The following SLIT3 variants were observed in gnomAD, a reference collection of about 807,000 sequenced individuals.
SLIT3 encodes the protein slit homolog 3 protein.
Under a neutral mutation model 184.0 loss-of-function variants are expected in SLIT3, and 68 were observed. The observed-to-expected ratio is 0.37, with a 90% CI of 0.30 to 0.45. The LOEUF (loss-of-function observed/expected upper bound fraction) is 0.45, where lower values mean the gene tolerates loss of function less well. SLIT3 is among the 20% of genes least tolerant of loss of function. SLIT3 has a pLI of 1.00. For missense variants in SLIT3, 1,707 were observed against 2,026.0 expected (o/e 0.84, Z 3.02); for synonymous variants, 831 against 828.6 (o/e 1.00, Z -0.05).
chr5:168,832,865 C>CT (rs1444504069), intron 6 of SLIT3, among the ~76,000 whole-genome samples: 2 of 152,162 alleles, frequency 1.3e-5, no homozygotes, highest in Admixed American at 6.5e-5. Context: ...CTGGATCTGG[C>CT]TTGCAGGTGC....
intron 1 of SLIT3, among the ~76,000 whole-genome samples, chr5:169,270,507 G>C (rs945165328): frequency 5.9e-5 from 9 of 152,026 alleles, no homozygotes; most frequent in African/African-American, 2.2e-4. Context: ...AGTTTTCTTG[G>C]AACCAAGCCG....
At chr5:169,219,196 C>T (rs562780787) in intron 3 of SLIT3, among the ~76,000 whole-genome samples, 6 of 152,262 alleles carry the variant, frequency 3.9e-5, no homozygotes, top group Admixed American at 2.0e-4. Context: ...AGAAAAAAGA[C>T]CACAGGAGAC....
rs369153203 is a variant in SLIT3 at position 168,772,872 on chromosome 5, G to A, written c.1368C>T (p.Pro456=). 2.5e-6 allele frequency: 4 copies of A among 1,613,986 alleles called. No individual in the cohort carries two copies. Among genetic ancestry groups the A allele is most frequent in the African/African-American group, 1.3e-5 (1 of 74,946 alleles). ...KWLADYLQDN[P]IETSGARCSS... ...TGCAGCGGGCCCCGCTTGTCTCGAT[G>A]GGGTTGTCCTGGAGGTAGTCGGCCA... The change falls in exon 14 of 36, where the codon CCC becomes CCT. Residue 456 remains proline, a synonymous_variant. Coordinates refer to ENST00000519560, the MANE Select transcript of SLIT3 (RefSeq NM_003062.4).
intron 4 of SLIT3, among the ~76,000 whole-genome samples, chr5:169,006,700 A>G (rs923293341): frequency 6.6e-6 from 1 of 152,190 alleles, no homozygotes; most frequent in Non-Finnish European, 1.5e-5. Flanking sequence ...GAAAATTCAA[A>G]GAAAGAAAAG....
chr5:168,707,806 G>A (rs1352726566), intron 26 of SLIT3, 170 bp downstream of exon 26: 3 of 716,172 alleles, frequency 4.2e-6, no homozygotes, highest in East Asian at 2.7e-5. Flanking sequence ...CTAGTTCAGA[G>A]AACAGTGTTA....
At chr5:168,726,797 A>C (rs76481635) in intron 20 of SLIT3, among the ~76,000 whole-genome samples, 6 of 148,884 alleles carry the variant, frequency 4.0e-5, no homozygotes, top group Admixed American at 4.0e-4. Flanking sequence ...ACATGGTGAA[A>C]CCCCCCTCCT....
intron 4 of SLIT3, among the ~76,000 whole-genome samples, chr5:168,934,627 C>T (rs1304528832): frequency 2.0e-5 from 3 of 152,086 alleles, no homozygotes; most frequent in Admixed American, 6.6e-5. Context: ...CATGCAAGTT[C>T]AATCCCCAAA....
chr5:168,666,422 G>T lies in SLIT3; in HGVS notation c.*32C>A. 6.6e-7 allele frequency: 1 copy of T among 1,519,836 alleles called. No individual in the cohort carries two copies. The highest frequency in any genetic ancestry group is 8.8e-7 in the Non-Finnish European group (1 of 1,133,244). 94.1% of individuals were successfully genotyped at this position (1,519,836 alleles called of 1,614,324 possible). A position where few individuals can be genotyped will look rare whatever the true frequency, so the allele number is the denominator to read the frequency against. On this transcript the variant is annotated 3_prime_UTR_variant, in exon 36 of 36. Coordinates refer to ENST00000519560, the MANE Select transcript of SLIT3 (RefSeq NM_003062.4). ...GCTGTCCCAACTCCATCAAGCTGGA[G>T]TCCGAGAGGTGGCAGGCAGGCGGGC...
intron 8 of SLIT3, among the ~76,000 whole-genome samples, chr5:168,807,639 A>G (rs1407054512): frequency 6.6e-6 from 1 of 152,136 alleles, no homozygotes; most frequent in African/African-American, 2.4e-5. Context: ...ACTGAGACCA[A>G]ACTTAGATGA....
At chr5:169,167,002 T>C (rs1762659743) in intron 4 of SLIT3, among the ~76,000 whole-genome samples, 1 of 151,908 alleles carries the variant, frequency 6.6e-6, no homozygotes, top group Non-Finnish European at 1.5e-5. Context: ...CCCCTCCATG[T>C]CTGAAAAACA....
At chr5:168,990,044 C>T (rs1755268839) in intron 4 of SLIT3, among the ~76,000 whole-genome samples, 1 of 152,202 alleles carries the variant, frequency 6.6e-6, no homozygotes, top group Non-Finnish European at 1.5e-5. Flanking sequence ...ACAGGGCCCT[C>T]TTCTCAGGCC....
intron 12 of SLIT3, among the ~76,000 whole-genome samples, chr5:168,777,648 G>C (rs1755809756): frequency 6.6e-6 from 1 of 152,196 alleles, no homozygotes; most frequent in Non-Finnish European, 1.5e-5. Flanking sequence ...ATGAAGCATG[G>C]AGCAAAAGAA....
intron 4 of SLIT3, among the ~76,000 whole-genome samples, chr5:168,960,949 G>A (rs575796225): frequency 3.7e-4 from 56 of 152,352 alleles, no homozygotes; most frequent in Non-Finnish European, 2.8e-4. Flanking sequence ...AAGAGCCTGT[G>A]TCCTAAGAAC....
intron 1 of SLIT3, among the ~76,000 whole-genome samples, chr5:169,269,411 A>ACC (rs1424570329): frequency 3.9e-4 from 59 of 152,328 alleles, no homozygotes; most frequent in African/African-American, 1.4e-3. Context: ...AGAGGCCTCA[A>ACC]ACTAATGCCC....
intron 1 of SLIT3, among the ~76,000 whole-genome samples, chr5:169,259,729 G>A (rs1766101137): frequency 6.6e-6 from 1 of 152,146 alleles, no homozygotes; most frequent in Admixed American, 6.5e-5. Flanking sequence ...ATGGGTAGGA[G>A]GCTGAACTAC....
At chr5:169,271,454 T>C (rs753587683) in intron 1 of SLIT3, among the ~76,000 whole-genome samples, 21 of 152,298 alleles carry the variant, frequency 1.4e-4, no homozygotes, top group Non-Finnish European at 2.5e-4. Flanking sequence ...CTCTCTTGAA[T>C]GGCTGCAATT....
rs188583041 is a variant in SLIT3, at chr5:168,867,514, C to A, written c.485+15751G>T. On this transcript the variant is annotated intron_variant, in intron 5 of 35. Coordinates refer to ENST00000519560, the MANE Select transcript of SLIT3 (RefSeq NM_003062.4). ...AGTGAAAATGACCAGTGGTGTGTGACTTTGAAGAAGTAGGGCAAAGTCACT... is the reference window on the plus strand; with the variant it reads ...AGTGAAAATGACCAGTGGTGTGTGAATTTGAAGAAGTAGGGCAAAGTCACT... 2.9e-3 allele frequency among the ~76,000 whole-genome samples: 447 copies of A among 152,294 alleles called. 2 individuals are homozygous for A. The highest frequency in any genetic ancestry group is 9.8e-3 in the African/African-American group (409 of 41,550).
intron 4 of SLIT3, among the ~76,000 whole-genome samples, chr5:169,027,903 G>A (rs1756886966): frequency 6.6e-6 from 1 of 152,180 alleles, no homozygotes; most frequent in Non-Finnish European, 1.5e-5. Context: ...GGTGTTAGAG[G>A]ACTTGAAATG....
At chr5:169,109,334 G>A (rs1434505176) in intron 4 of SLIT3, among the ~76,000 whole-genome samples, 1 of 152,164 alleles carries the variant, frequency 6.6e-6, no homozygotes, top group Non-Finnish European at 1.5e-5. Flanking sequence ...GCAAAAAGTG[G>A]GACCCTTAGT....
Sources: gnomAD v4.1 joint callset for allele counts (sites outside exome capture counted in the v4.1 genomes callset) on GRCh38, gnomAD v4.1.1 for gene constraint, MANE v1.5 for transcripts, NCBI Gene and HGNC (gene_info 2026-07-23, HGNC 2026-07-21) for gene names.